The following KIF25 variants were observed in gnomAD, a reference collection of about 807,000 sequenced individuals.
The protein encoded by KIF25 is kinesin family member 25.
In KIF25, 19 loss-of-function variants were observed where a neutral mutation model predicts 32.9. That is an observed-to-expected ratio of 0.58 (90% CI 0.40 to 0.85). KIF25 has a LOEUF of 0.85. Ranked by LOEUF, KIF25 falls within the 40% of genes least tolerant of loss-of-function variation. The probability of loss-of-function intolerance (pLI) is 0.00; values close to 1 mark genes in which losing one functional copy is unlikely to be tolerated. For missense variants in KIF25, 485 were observed against 507.0 expected (o/e 0.96, Z 0.42); for synonymous variants, 225 against 213.7 (o/e 1.05, Z -0.46).
intron 5 of KIF25, among the ~76,000 whole-genome samples, chr6:168,018,624 C>T (rs1329593366): frequency 6.6e-6 from 1 of 152,304 alleles, no homozygotes; most frequent in East Asian, 1.9e-4. Flanking sequence ...CTGTCAGATG[C>T]CTTCCTCGGC....
intron 6 of KIF25, among the ~76,000 whole-genome samples, chr6:168,030,212 A>C (rs1798921179): frequency 6.6e-6 from 1 of 152,208 alleles, no homozygotes. Context: ...CAGAGTGGAC[A>C]TCCAGTCCCA....
intron 11 of KIF25, 76 bp from the exon 12 acceptor site, chr6:168,042,485 T>C: frequency 6.4e-7 from 1 of 1,551,332 alleles, no homozygotes; most frequent in Non-Finnish European, 8.7e-7. Flanking sequence ...GAGCCGCTCC[T>C]CCCAAGGAGC....
At position 168,012,776 on chromosome 6, in the gene KIF25, G is replaced by A. The variant is rs946652427; in HGVS notation, c.-162-5197G>A. Among the ~76,000 whole-genome samples the A allele has an allele frequency of 9.2e-5, 14 of 152,110 alleles. No individual in the cohort carries two copies. In the South Asian group the frequency reaches 1.2e-3, roughly 14 times the overall value. ...TTTCCCATGTCTGGGTCACAGCTGC[G>A]TGACTGCTTGGCTGGCCTGAGGGTG... On this transcript the variant is annotated intron_variant, in intron 4 of 12. Transcript: ENST00000643607.
rs572626066 is a variant in KIF25 at position 168,038,812 on chromosome 6, T to C, written c.494+83T>C. Reference sequence around the variant, plus strand: ...TCCCACCTGGTCAGGAGGCTGCACGTCTCTAAACGAGCTCCCCACGCCCAA... The same window carrying C: ...TCCCACCTGGTCAGGAGGCTGCACGCCTCTAAACGAGCTCCCCACGCCCAA... On this transcript the variant is annotated intron_variant, in intron 9 of 12. Transcript: ENST00000643607. 4.8e-5 allele frequency: 68 copies of C among 1,414,306 alleles called. No individual in the cohort carries two copies. The Admixed American group carries it at 1.0e-3, about 21-fold the overall frequency. The allele number at this position is 1,414,306 out of a possible 1,614,324, so 87.6% of individuals were successfully genotyped here. A position where few individuals can be genotyped will look rare whatever the true frequency, so the allele number is the denominator to read the frequency against.
intron 9 of KIF25, among the ~76,000 whole-genome samples, chr6:168,039,406 A>G (rs955603155): frequency 6.6e-6 from 1 of 152,230 alleles, no homozygotes; most frequent in Admixed American, 6.5e-5. Flanking sequence ...TCAAATCCAC[A>G]TGGATGTGCT....
chr6:168,029,477 C>A lies in KIF25; in HGVS notation c.-94-15C>A, dbSNP rs1798908614. 6.6e-7 allele frequency: 1 copy of A among 1,505,294 alleles called. No homozygotes were observed. The highest frequency in any genetic ancestry group is 1.3e-5 in the South Asian group (1 of 74,714). The allele number at this position is 1,505,294 out of a possible 1,614,324, so 93.2% of individuals were successfully genotyped here. On this transcript the variant is annotated splice_polypyrimidine_tract_variant and intron_variant, in intron 5 of 12. Coordinates refer to ENST00000643607, the MANE Select transcript of KIF25 (RefSeq NM_030615.4). ...TGGTAATACTGTTACGTTTTCAAGT[C>A]ATGATCCTTTACAGATATACTGGCC...
chr6:168,020,365 T>C (rs1311226700), intron 5 of KIF25, among the ~76,000 whole-genome samples: 3 of 151,792 alleles, frequency 2.0e-5, no homozygotes, highest in East Asian at 3.9e-4. Flanking sequence ...TTTCCAGACA[T>C]GGGAAAGCTG....
chr6:168,040,573 A>G (rs193009192), intron 10 of KIF25, among the ~76,000 whole-genome samples: 11,639 of 151,496 alleles, frequency 0.077, 672 homozygotes, highest in African/African-American at 0.16. Context: ...TTAAAAAAAA[A>G]AAGAAGAAGA....
intron 9 of KIF25, among the ~76,000 whole-genome samples, chr6:168,039,035 CA>C (rs10717465): frequency 0.049 from 7,527 of 152,154 alleles, 369 homozygotes; most frequent in African/African-American, 0.12. Context: ...AATGTATTCG[CA>C]TATCAAAATA....
chr6:168,031,407 G>A (rs769423859), intron 7 of KIF25, among the ~76,000 whole-genome samples: 1 of 152,160 alleles, frequency 6.6e-6, no homozygotes, highest in Non-Finnish European at 1.5e-5. Context: ...AGTTCCTGAC[G>A]AAGACTTACT....
In KIF25 at chr6:168,044,233, G is replaced by A. The variant is rs1190392066; in HGVS notation, c.986-594G>A. Among the ~76,000 whole-genome samples, 4 of 148,684 alleles carry A rather than the reference G, an allele frequency of 2.7e-5. No individual in the cohort carries two copies. In the East Asian group the frequency reaches 8.1e-4, roughly 30 times the overall value. On this transcript the variant is annotated intron_variant, in intron 12 of 12. Transcript: ENST00000643607. ...GGGTGAGGGGTGCTAGTGACCGGCT[G>A]CTGACCCTCCCGGAGGGTGAGGGGT...
At chr6:168,007,176 C>T (rs192916761) in intron 4 of KIF25, among the ~76,000 whole-genome samples, 6 of 152,014 alleles carry the variant, frequency 3.9e-5, no homozygotes, top group Non-Finnish European at 5.9e-5. Context: ...TTTGGGAGGC[C>T]AAGGCAGATG....
chr6:168,004,166 T>C lies in KIF25; in HGVS notation c.-163+463T>C, dbSNP rs73788670. On this transcript the variant is annotated intron_variant, in intron 4 of 12. Transcript: ENST00000643607. ...AGGGGTGTCTGAGTACCAAGCCCAC[T>C]GCAGGAGAAAAGCTCATTTGACACC... is the stretch of plus-strand genomic sequence containing the variant. Among the ~76,000 whole-genome samples the C allele has an allele frequency of 7.8e-3, 1,185 of 152,248 alleles. 16 individuals carry two copies. The highest frequency in any genetic ancestry group is 0.027 in the African/African-American group (1,128 of 41,554).
intron 10 of KIF25, 111 bp downstream of exon 10, chr6:168,040,327 A>T: frequency 2.7e-6 from 3 of 1,118,732 alleles, no homozygotes; most frequent in Non-Finnish European, 3.7e-6. Flanking sequence ...GCACTTTGGG[A>T]GACTGAGGCG....
intron 2 of KIF25, among the ~76,000 whole-genome samples, chr6:167,999,741 G>A (rs768552661): frequency 8.5e-5 from 13 of 152,204 alleles, no homozygotes; most frequent in Non-Finnish European, 1.8e-4. Flanking sequence ...AGTGAGTATT[G>A]ACTCAACTGA....
intron 7 of KIF25, among the ~76,000 whole-genome samples, chr6:168,033,499 CA>C (rs56253243): frequency 0.088 from 9,958 of 113,690 alleles, 591 homozygotes; most frequent in African/African-American, 0.21. Context: ...GAATCCGTCT[CA>C]AAAAAAAAAA....
intron 2 of KIF25, among the ~76,000 whole-genome samples, chr6:168,001,968 G>GA (rs1798511824): frequency 7.7e-6 from 1 of 129,666 alleles, no homozygotes; most frequent in African/African-American, 2.8e-5. Flanking sequence ...GGGCAGGTGA[G>GA]AAGACACCTT....
chr6:168,040,006 T>G (rs187982893), intron 9 of KIF25, 59 bp from the exon 10 acceptor site: 2 of 1,540,942 alleles, frequency 1.3e-6, no homozygotes, highest in East Asian at 4.6e-5. Context: ...GTCTTGGAAG[T>G]CGCCTTAGGT....
Position 168,044,844 on chromosome 6 carries a change from C to T in KIF25, c.1003C>T (p.Leu335=). The T allele has an allele frequency of 6.3e-7, 1 of 1,591,870 alleles. No homozygotes were observed. Among genetic ancestry groups the T allele is most frequent in the Non-Finnish European group, 8.6e-7 (1 of 1,168,482 alleles). The part of the protein sequence containing the change: ...QDCLGGDAKL[L]VILCISPSQR... ...TTTTAAAGGAGGCGATGCGAAGTTA[C>T]TGGTGATTCTCTGCATTTCTCCCAG... is the stretch of plus-strand genomic sequence containing the variant. Residue 335 remains leucine, a synonymous_variant, in exon 13 of 13, where the codon CTG becomes TTG. Coordinates refer to ENST00000643607, the MANE Select transcript of KIF25 (RefSeq NM_030615.4).
Sources: allele counts gnomAD v4.1 joint callset (sites outside exome capture counted in the v4.1 genomes callset), GRCh38; gene constraint gnomAD v4.1.1; transcripts MANE v1.5; gene names NCBI Gene and HGNC (gene_info 2026-07-23, HGNC 2026-07-21).